Variants in ARL15 observed in about 807,000 individuals in gnomAD.
ARL15 encodes the protein ARF like GTPase 15, also known as ADP-ribosylation factor-like protein 15.
ARL15 carries 19 observed loss-of-function variants against 25.2 expected under a neutral mutation model. That is an observed-to-expected ratio of 0.75 (90% CI 0.53 to 1.10). The LOEUF is 1.10. Ranked by LOEUF, ARL15 falls within the 50% of genes least tolerant of loss-of-function variation. The probability of loss-of-function intolerance (pLI) is 0.00; values close to 1 mark genes in which losing one functional copy is unlikely to be tolerated. For missense variants in ARL15, 220 were observed against 246.0 expected, an observed-to-expected ratio of 0.89 and a Z score of 0.71; for synonymous variants, 94 against 86.8, an observed-to-expected ratio of 1.08 and a Z score of -0.46.
At chr5:54,047,387 C>T (rs574881942) in intron 4 of ARL15, among the ~76,000 whole-genome samples, 16 of 152,130 alleles carry the variant, frequency 1.1e-4, no homozygotes, top group Non-Finnish European at 1.8e-4. Context: ...TGGTCTCATT[C>T]TCTCCTACTG....
At chr5:54,061,059 G>A (rs1003095480) in intron 4 of ARL15, among the ~76,000 whole-genome samples, 2 of 152,186 alleles carry the variant, frequency 1.3e-5, no homozygotes, top group Non-Finnish European at 2.9e-5. Context: ...AATGTCCCCA[G>A]GGCATGTCAG....
intron 4 of ARL15, among the ~76,000 whole-genome samples, chr5:53,933,136 C>T (rs1746243644): frequency 6.6e-6 from 1 of 152,142 alleles, no homozygotes; most frequent in Non-Finnish European, 1.5e-5. Flanking sequence ...ACCTTAGAGC[C>T]TCCCCACAAA....
At chr5:54,186,201 C>G (rs674377) in intron 1 of ARL15, among the ~76,000 whole-genome samples, 98,891 of 152,128 alleles carry the variant, frequency 0.65, 32,589 homozygotes, top group East Asian at 0.98. Context: ...TCAAATCACA[C>G]TGCTTTAACT....
At chr5:54,201,971 T>C (rs2112485001) in intron 1 of ARL15, among the ~76,000 whole-genome samples, 1 of 152,184 alleles carries the variant, frequency 6.6e-6, no homozygotes, top group Non-Finnish European at 1.5e-5. Flanking sequence ...AAGAAGGAAT[T>C]CCCTCACAGC....
intron 4 of ARL15, among the ~76,000 whole-genome samples, chr5:54,053,267 A>G (rs1394138420): frequency 6.6e-6 from 1 of 152,150 alleles, no homozygotes; most frequent in African/African-American, 2.4e-5. Flanking sequence ...AACAAAAAAC[A>G]AAGTATAAAA....
intron 4 of ARL15, among the ~76,000 whole-genome samples, chr5:53,891,299 C>T (rs765917623): frequency 2.6e-5 from 4 of 152,122 alleles, no homozygotes; most frequent in Admixed American, 6.6e-5. Context: ...GTCATGTTCT[C>T]AGCTCAGATA....
At chr5:54,207,813 G>A (rs1467495211) in intron 1 of ARL15, among the ~76,000 whole-genome samples, 1 of 152,130 alleles carries the variant, frequency 6.6e-6, no homozygotes, top group African/African-American at 2.4e-5. Context: ...AAAAACAAGA[G>A]GATTGGTTCA....
At chr5:53,922,152 T>C (rs958516632) in intron 4 of ARL15, among the ~76,000 whole-genome samples, 1 of 152,200 alleles carries the variant, frequency 6.6e-6, no homozygotes, top group Non-Finnish European at 1.5e-5. Flanking sequence ...GAAAAGACTG[T>C]CTTCTGGTAT....
At chr5:54,099,018 A>G (rs954857023) in intron 4 of ARL15, among the ~76,000 whole-genome samples, 4 of 152,192 alleles carry the variant, frequency 2.6e-5, no homozygotes, top group Non-Finnish European at 4.4e-5. Flanking sequence ...AAAGAGGGGA[A>G]ACAACAATCT....
At chr5:54,125,930 T>G (rs1468832287) in intron 3 of ARL15, among the ~76,000 whole-genome samples, 4 of 152,164 alleles carry the variant, frequency 2.6e-5, no homozygotes, top group Non-Finnish European at 5.9e-5. Flanking sequence ...GTCAATAGTA[T>G]TTACTGCATT....
At chr5:54,215,112 T>A (rs889085025) in intron 1 of ARL15, among the ~76,000 whole-genome samples, 10 of 152,140 alleles carry the variant, frequency 6.6e-5, no homozygotes, top group East Asian at 3.9e-4. Flanking sequence ...AGGAGGCCTT[T>A]CCCTAATCAA....
intron 1 of ARL15, among the ~76,000 whole-genome samples, chr5:54,238,563 G>A (rs1331367946): frequency 6.6e-6 from 1 of 152,136 alleles, no homozygotes; most frequent in African/African-American, 2.4e-5. Context: ...ACTAGAATGA[G>A]TGGCTATCTC....
At position 53,938,963 on chromosome 5, in the gene ARL15, C is replaced by A. The variant is rs551611783; in HGVS notation, c.463-52250G>T. On this transcript the variant is annotated intron_variant, in intron 4 of 4. Transcript: ENST00000504924. ...AATTTGTTAGCATCATAAAATTACG[C>A]TAAAATCCTTTAAGCTATTATAGAT... Among the ~76,000 whole-genome samples, 120 of 152,354 alleles carry A rather than the reference C, an allele frequency of 7.9e-4. 1 individual carries two copies. The Middle Eastern group carries it at 0.017, about 22-fold the overall frequency.
chr5:54,104,352 G>A (rs909878348), intron 4 of ARL15, among the ~76,000 whole-genome samples: 1 of 152,144 alleles, frequency 6.6e-6, no homozygotes, highest in Non-Finnish European at 1.5e-5. Context: ...ATGCCTTACT[G>A]ATTATGAGGC....
chr5:54,089,890 T>C (rs2112139989), intron 4 of ARL15, among the ~76,000 whole-genome samples: 1 of 152,346 alleles, frequency 6.6e-6, no homozygotes, highest in Non-Finnish European at 1.5e-5. Flanking sequence ...TTGTATTTTA[T>C]AGCAACAATT....
intron 4 of ARL15, among the ~76,000 whole-genome samples, chr5:53,910,633 T>TTATATATATATATATATATATATA (rs70986649): frequency 5.5e-5 from 3 of 55,018 alleles, no homozygotes; most frequent in African/African-American, 7.4e-5. Flanking sequence ...TAAAAAAAAA[T>TTATATATATATATATATATATATA]TATATATATA....
chr5:54,162,943 A>C (rs573272914), intron 2 of ARL15, among the ~76,000 whole-genome samples: 1 of 152,300 alleles, frequency 6.6e-6, no homozygotes, highest in African/African-American at 2.4e-5. Context: ...AATGTTGAAT[A>C]GATGTGGTGA....
intron 4 of ARL15, among the ~76,000 whole-genome samples, chr5:53,951,004 G>A (rs1746929484): frequency 1.3e-5 from 2 of 152,166 alleles, no homozygotes; most frequent in South Asian, 4.1e-4. Context: ...TTTTCATATG[G>A]CCTGCAAGAG....
chr5:54,265,345 A>C (rs1757597707), intron 1 of ARL15, among the ~76,000 whole-genome samples: 1 of 152,236 alleles, frequency 6.6e-6, no homozygotes, highest in Non-Finnish European at 1.5e-5. Context: ...TGACTTTAAA[A>C]GAAAATCTTT....
Sources: gnomAD v4.1 joint callset for allele counts (sites outside exome capture counted in the v4.1 genomes callset) on GRCh38, gnomAD v4.1.1 for gene constraint, MANE v1.5 for transcripts, NCBI Gene and HGNC (gene_info 2026-07-23, HGNC 2026-07-21) for gene names.